Variants in RERG observed in about 807,000 individuals in gnomAD.
RERG encodes ras-related and estrogen-regulated growth inhibitor.
Under a neutral mutation model 23.2 loss-of-function variants are expected in RERG, and 25 were observed. The observed-to-expected ratio is 1.08, with a 90% CI of 0.79 to 1.50. The LOEUF is 1.50. RERG is among the 40% of genes most tolerant of loss of function. RERG has a pLI of 0.00. For missense variants in RERG, 253 were observed against 250.1 expected, an observed-to-expected ratio of 1.01 and a Z score of -0.08; for synonymous variants, 81 against 89.1, an observed-to-expected ratio of 0.91 and a Z score of 0.51.
chr12:15,143,707 T>C (rs776319370), intron 2 of RERG, among the ~76,000 whole-genome samples: 2 of 152,104 alleles, frequency 1.3e-5, no homozygotes, highest in South Asian at 2.1e-4. Flanking sequence ...GGCAAACAGA[T>C]ACTAAAACAA....
chr12:15,197,585 T>C (rs960626883), intron 2 of RERG, among the ~76,000 whole-genome samples: 1 of 152,166 alleles, frequency 6.6e-6, no homozygotes, highest in Non-Finnish European at 1.5e-5. Context: ...ATTCATTGCA[T>C]GTTGGTAAGC....
At chr12:15,151,719 G>C (rs922350446) in intron 2 of RERG, among the ~76,000 whole-genome samples, 9 of 152,090 alleles carry the variant, frequency 5.9e-5, no homozygotes, top group African/African-American at 1.9e-4. Context: ...AAGTTTTCTT[G>C]GAAAAGATTG....
chr12:15,180,267 T>C (rs1864905945), intron 2 of RERG, among the ~76,000 whole-genome samples: 1 of 152,212 alleles, frequency 6.6e-6, no homozygotes, highest in Middle Eastern at 3.4e-3. Context: ...AAAATAAAAA[T>C]GTAGCCCTAT....
intron 3 of RERG, among the ~76,000 whole-genome samples, chr12:15,113,482 A>C (rs1173520569): frequency 1.3e-5 from 2 of 152,062 alleles, no homozygotes; most frequent in Non-Finnish European, 2.9e-5. Context: ...AAAATAAAAT[A>C]ATACGAAGTT....
At chr12:15,211,964 G>A (rs1865371584) in intron 2 of RERG, among the ~76,000 whole-genome samples, 1 of 151,026 alleles carries the variant, frequency 6.6e-6, no homozygotes, top group African/African-American at 2.4e-5. Context: ...CACGTGGTAT[G>A]CACAGCCGAG....
intron 2 of RERG, among the ~76,000 whole-genome samples, chr12:15,214,712 T>A (rs147010913): frequency 2.5e-4 from 38 of 152,292 alleles, no homozygotes; most frequent in African/African-American, 8.9e-4. Flanking sequence ...CCAGGTGTGG[T>A]AGGACACACT....
At chr12:15,173,387 T>C (rs991642101) in intron 2 of RERG, among the ~76,000 whole-genome samples, 6 of 152,034 alleles carry the variant, frequency 3.9e-5, no homozygotes, top group Non-Finnish European at 7.4e-5. Flanking sequence ...TAATGAGTTT[T>C]GAAATCAGGA....
intron 2 of RERG, among the ~76,000 whole-genome samples, chr12:15,128,697 C>T (rs1164272767): frequency 2.6e-5 from 4 of 152,146 alleles, no homozygotes; most frequent in Non-Finnish European, 5.9e-5. Flanking sequence ...TGGAAAAACT[C>T]TAGCAGATAA....
chr12:15,144,390 A>G (rs957640606), intron 2 of RERG, among the ~76,000 whole-genome samples: 4 of 152,154 alleles, frequency 2.6e-5, no homozygotes, highest in Non-Finnish European at 4.4e-5. Flanking sequence ...AGGTCACTTG[A>G]AGGCAGCATA....
At chr12:15,126,647 CAAAG>C (rs1428602764) in intron 2 of RERG, among the ~76,000 whole-genome samples, 2 of 151,056 alleles carry the variant, frequency 1.3e-5, no homozygotes, top group Admixed American at 6.6e-5. Context: ...GGAACTAAGT[CAAAG>C]AAAGGGGAAA....
chr12:15,217,414 C>T lies in RERG; in HGVS notation c.61+15G>A. ...CCACACACACACACTATAACAACCA[C>T]AACGAAAATCTTACCTGACTTGCCC... On this transcript the variant is annotated intron_variant, in intron 2 of 4. Coordinates refer to ENST00000256953, the MANE Select transcript of RERG (RefSeq NM_032918.3). 1 of 1,595,570 alleles carries T rather than the reference C, an allele frequency of 6.3e-7. No homozygotes were observed. Among genetic ancestry groups the T allele is most frequent in the Non-Finnish European group, 8.6e-7 (1 of 1,163,122 alleles).
chr12:15,149,076 A>G (rs1302470465), intron 2 of RERG, among the ~76,000 whole-genome samples: 2 of 151,542 alleles, frequency 1.3e-5, no homozygotes, highest in African/African-American at 2.4e-5. Context: ...TCACTGTATT[A>G]GCAAGGATGG....
intron 2 of RERG, among the ~76,000 whole-genome samples, chr12:15,136,781 C>T (rs1045923969): frequency 2.0e-5 from 3 of 151,834 alleles, no homozygotes; most frequent in African/African-American, 7.2e-5. Flanking sequence ...GATTTGTATT[C>T]TGTTAAATTT....
intron 2 of RERG, among the ~76,000 whole-genome samples, chr12:15,148,596 T>C (rs1864373939): frequency 6.6e-6 from 1 of 152,166 alleles, no homozygotes; most frequent in African/African-American, 2.4e-5. Context: ...ATACAAGTTA[T>C]GTGCAGTGAC....
At chr12:15,114,393 G>C (rs1457005708) in intron 3 of RERG, 1 of 152,056 alleles carries the variant, frequency 6.6e-6, no homozygotes, top group Non-Finnish European at 1.5e-5. Flanking sequence ...AAATTAAAAA[G>C]ATAAGTGAAC....
intron 2 of RERG, among the ~76,000 whole-genome samples, chr12:15,147,446 A>AG (rs1864353900): frequency 6.6e-6 from 1 of 152,240 alleles, no homozygotes; most frequent in Non-Finnish European, 1.5e-5. Flanking sequence ...ATAAAGATAG[A>AG]GAAAAACTGG....
chr12:15,144,666 C>G (rs1411442666), intron 2 of RERG, among the ~76,000 whole-genome samples: 1 of 152,062 alleles, frequency 6.6e-6, no homozygotes. Flanking sequence ...ATGGAGTGGG[C>G]TTAAGAGAAT....
chr12:15,110,454 CATTTTTTT>C (rs1863585232), intron 4 of RERG, among the ~76,000 whole-genome samples: 1 of 95,482 alleles, frequency 1.0e-5, no homozygotes, highest in African/African-American at 3.6e-5. Flanking sequence ...TTCCAGTGGC[CATTTTTTT>C]CTTTTTTTTT....
Position 15,109,428 on chromosome 12 carries a change from T to G in RERG, c.282A>C (p.Glu94Asp). 6.2e-7 allele frequency: 1 copy of G among 1,614,062 alleles called. No individual in the cohort carries two copies. The change falls in exon 5 of 5, where the codon GAA becomes GAC. Residue 94 changes from glutamate to aspartate, a missense_variant. Coordinates refer to ENST00000256953, the MANE Select transcript of RERG (RefSeq NM_032918.3). ...YDITDRGSFE[E>D]VLPLKNILDE... ...CTAGGATGTTCTTAAGTGGCAGCAC[T>G]TCCTCAAAACTTCCTCGGTCAGTAA...
Sources: allele counts gnomAD v4.1 joint callset (sites outside exome capture counted in the v4.1 genomes callset), GRCh38; gene constraint gnomAD v4.1.1; transcripts MANE v1.5; gene names NCBI Gene and HGNC (gene_info 2026-07-23, HGNC 2026-07-21).